REDIC1: variants seen among roughly 807,000 people sequenced by gnomAD.
The protein encoded by REDIC1 is regulator of DNA class I crossover intermediates 1, also known as HEI10 Interacting Protein 1.
the REDIC1 span, among the ~76,000 whole-genome samples, chr12:39,653,529 TC>T: frequency 3.3e-4 from 20 of 60,192 alleles, no homozygotes; most frequent in African/African-American, 7.3e-4. Context: ...TTCTTCTTCT[TC>T]TTCTTCTTTT....
chr12:39,850,878 G>A, the REDIC1 span, among the ~76,000 whole-genome samples: 1 of 151,674 alleles, frequency 6.6e-6, no homozygotes, highest in Non-Finnish European at 1.5e-5. Flanking sequence ...AGGAAGAGCT[G>A]AATATTTAGG....
chr12:39,650,447 A>G, the REDIC1 span: 1 of 1,480,568 alleles, frequency 6.8e-7, no homozygotes, highest in South Asian at 1.4e-5. The surrounding 1 kb of genome is among the most constrained non-coding windows in gnomAD (Gnocchi z 4.3). Flanking sequence ...ATTTTTAGTT[A>G]AAAATATAAA....
the REDIC1 span, among the ~76,000 whole-genome samples, chr12:39,860,095 A>G: frequency 1.3e-5 from 2 of 152,210 alleles, no homozygotes; most frequent in Admixed American, 6.5e-5. Context: ...AATAACTCCT[A>G]AAGAACTGTG....
chr12:39,700,559 C>A, the REDIC1 span, among the ~76,000 whole-genome samples: 2 of 151,866 alleles, frequency 1.3e-5, no homozygotes, highest in African/African-American at 4.8e-5. Flanking sequence ...GGCAGGCCAA[C>A]ATTCAGATTC....
chr12:39,794,599 C>T, the REDIC1 span, among the ~76,000 whole-genome samples: 1,993 of 152,244 alleles, frequency 0.013, 46 homozygotes, highest in African/African-American at 0.045. Context: ...TCAAAGAAGG[C>T]AAAGGCAGAG....
chr12:39,700,372 G>C, the REDIC1 span, among the ~76,000 whole-genome samples: 7 of 152,112 alleles, frequency 4.6e-5, no homozygotes, highest in Non-Finnish European at 1.0e-4. Flanking sequence ...GAAGCGAGAA[G>C]GGAAGTTTAG....
chr12:39,816,435 TGGGGGGAGGGGGGA>T, the REDIC1 span, among the ~76,000 whole-genome samples: 1 of 50,436 alleles, frequency 2.0e-5, no homozygotes, highest in Admixed American at 2.9e-4. Flanking sequence ...TGTTGTGGGG[TGGGGGGAGGGGGGA>T]GGGATAGCAT....
At chr12:39,819,164 C>A in the REDIC1 span, among the ~76,000 whole-genome samples, 2 of 152,224 alleles carry the variant, frequency 1.3e-5, no homozygotes, top group South Asian at 4.1e-4. Context: ...ATCACACTTG[C>A]AGTCTCATTT....
the REDIC1 span, among the ~76,000 whole-genome samples, chr12:39,742,315 A>G: frequency 1.8e-4 from 28 of 152,110 alleles, no homozygotes; most frequent in African/African-American, 6.8e-4. Context: ...CTTTTTTTCA[A>G]GGGAGGAAGA....
At chr12:39,851,287 G>T in the REDIC1 span, among the ~76,000 whole-genome samples, 1 of 152,106 alleles carries the variant, frequency 6.6e-6, no homozygotes, top group Non-Finnish European at 1.5e-5. Flanking sequence ...ACGCTACTCA[G>T]TTCTTCTTAT....
At chr12:39,795,754 G>A in the REDIC1 span, among the ~76,000 whole-genome samples, 3 of 152,120 alleles carry the variant, frequency 2.0e-5, no homozygotes, top group African/African-American at 7.2e-5. Context: ...GCCACATAAG[G>A]GCTGACTTCT....
chr12:39,875,076 T>C, the REDIC1 span, among the ~76,000 whole-genome samples: 2 of 152,364 alleles, frequency 1.3e-5, no homozygotes, highest in South Asian at 2.1e-4. Context: ...TATTAGTTTG[T>C]GTTGCTGCCA....
the REDIC1 span, among the ~76,000 whole-genome samples, chr12:39,662,231 A>G: frequency 2.0e-5 from 3 of 152,190 alleles, no homozygotes; most frequent in East Asian, 5.8e-4. Context: ...TTTGGGTAGT[A>G]TGATTATTTT....
chr12:39,857,659 C>T, the REDIC1 span, among the ~76,000 whole-genome samples: 1 of 152,116 alleles, frequency 6.6e-6, no homozygotes, highest in African/African-American at 2.4e-5. Flanking sequence ...ATCCTATTAC[C>T]CTTTGAAGGC....
chr12:39,694,198 C>T, the REDIC1 span, among the ~76,000 whole-genome samples: 1 of 152,026 alleles, frequency 6.6e-6, no homozygotes, highest in East Asian at 1.9e-4. Flanking sequence ...AGGGGTGGAA[C>T]AAGATGGCTG....
chr12:39,865,593 T>C, the REDIC1 span, among the ~76,000 whole-genome samples: 6,603 of 152,342 alleles, frequency 0.043, 223 homozygotes, highest in African/African-American at 0.097. Flanking sequence ...TAAGACATTT[T>C]TCAAGTTTCT....
chr12:39,677,971 A>G, the REDIC1 span, among the ~76,000 whole-genome samples: 2 of 152,212 alleles, frequency 1.3e-5, no homozygotes, highest in South Asian at 2.1e-4. Context: ...ATAGCATTAA[A>G]TGCCTACATC....
chr12:39,705,614 T>C, the REDIC1 span, among the ~76,000 whole-genome samples: 6 of 152,150 alleles, frequency 3.9e-5, no homozygotes, highest in African/African-American at 1.4e-4. Flanking sequence ...TTATTCATTA[T>C]GACCAAGTGG....
the REDIC1 span, among the ~76,000 whole-genome samples, chr12:39,823,079 T>G: frequency 6.6e-6 from 1 of 152,204 alleles, no homozygotes; most frequent in African/African-American, 2.4e-5. Flanking sequence ...TGAAATTATT[T>G]ATGGGTAGAT....
Sources: gnomAD v4.1 joint callset for allele counts (sites outside exome capture counted in the v4.1 genomes callset) on GRCh38, gnomAD v4.1.1 for gene constraint, Gnocchi (gnomAD v3.1) non-coding constraint, MANE v1.5 for transcripts, NCBI Gene and HGNC (gene_info 2026-07-23, HGNC 2026-07-21) for gene names.